The following NEDD4L variants were observed in gnomAD, a reference collection of about 807,000 sequenced individuals.
NEDD4L encodes E3 ubiquitin-protein ligase NEDD4-like.
In NEDD4L, 54 loss-of-function variants were observed where a neutral mutation model predicts 148.9. That is an observed-to-expected ratio of 0.36 (90% CI 0.29 to 0.45). NEDD4L has a LOEUF of 0.45. NEDD4L is among the 20% of genes least tolerant of loss of function. The probability of loss-of-function intolerance (pLI) is 1.00; values close to 1 mark genes in which losing one functional copy is unlikely to be tolerated. For missense variants in NEDD4L, 856 were observed against 1,233.8 expected, an observed-to-expected ratio of 0.69 and a Z score of 4.59; for synonymous variants, 433 against 440.7, an observed-to-expected ratio of 0.98 and a Z score of 0.22.
intron 5 of NEDD4L, among the ~76,000 whole-genome samples, chr18:58,258,583 A>G (rs1218608357): frequency 6.6e-6 from 1 of 152,244 alleles, no homozygotes; most frequent in Non-Finnish European, 1.5e-5. Flanking sequence ...AGGCCTATGT[A>G]GTGAAAAACA....
At chr18:58,281,979 C>A (rs1368667423) in intron 5 of NEDD4L, among the ~76,000 whole-genome samples, 5 of 150,858 alleles carry the variant, frequency 3.3e-5, no homozygotes, top group African/African-American at 1.2e-4. Flanking sequence ...GAGCCGAGAT[C>A]GCGCCACTGC....
intron 1 of NEDD4L, among the ~76,000 whole-genome samples, chr18:58,158,229 A>G (rs1056162329): frequency 3.3e-5 from 5 of 152,260 alleles, no homozygotes; most frequent in Non-Finnish European, 7.3e-5. Context: ...GAGTGTCTGC[A>G]CATCATAGCA....
intron 5 of NEDD4L, among the ~76,000 whole-genome samples, chr18:58,300,358 C>T (rs2056303606): frequency 6.6e-6 from 1 of 152,212 alleles, no homozygotes; most frequent in African/African-American, 2.4e-5. Context: ...TTTTGCAGCA[C>T]TTTGCACTCT....
chr18:58,372,870 C>T (rs982010421), intron 23 of NEDD4L, among the ~76,000 whole-genome samples: 9 of 150,514 alleles, frequency 6.0e-5, no homozygotes, highest in African/African-American at 1.7e-4. Context: ...AGAAAGTATA[C>T]TTATGTCTGT....
chr18:58,320,133 C>T (rs143487908), intron 6 of NEDD4L, among the ~76,000 whole-genome samples: 12 of 152,138 alleles, frequency 7.9e-5, no homozygotes, highest in African/African-American at 2.9e-4. Context: ...CTCTAAGCTC[C>T]GTGGTTTTCC....
chr18:58,143,501 A>G (rs549476), intron 1 of NEDD4L, among the ~76,000 whole-genome samples: 65,029 of 152,134 alleles, frequency 0.43, 14,278 homozygotes, highest in African/African-American at 0.46. Context: ...GGGACAAGCT[A>G]TAAAGCTCTC....
At position 58,351,063 on chromosome 18, in the gene NEDD4L, T is replaced by C. The variant is rs1030571761; in HGVS notation, c.1708+18T>C. Reference sequence around the variant, plus strand: ...TGATCATAGTAAGTAGGCGCTGTTATGGACACACAGGTGTTGTGGGTTAGA... The same window carrying C: ...TGATCATAGTAAGTAGGCGCTGTTACGGACACACAGGTGTTGTGGGTTAGA... On this transcript the variant is annotated intron_variant, in intron 18 of 30. Coordinates refer to ENST00000400345, the MANE Select transcript of NEDD4L (RefSeq NM_001144967.3). 1 of 1,577,136 alleles carries C rather than the reference T, an allele frequency of 6.3e-7. No homozygotes were observed. The highest frequency in any genetic ancestry group is 8.6e-7 in the Non-Finnish European group (1 of 1,159,478).
At chr18:58,352,719 C>T (rs1008549428) in intron 18 of NEDD4L, among the ~76,000 whole-genome samples, 1 of 152,124 alleles carries the variant, frequency 6.6e-6, no homozygotes, top group Non-Finnish European at 1.5e-5. Flanking sequence ...AGTTTTAAGA[C>T]AGGTGTGAAT....
rs771263533 is a variant in NEDD4L at position 58,348,326 on chromosome 18, C to CTTTTTTTTTTT, written c.1576-1198_1576-1188dup. ...CACTGCATTTCTTTTTCTTTTTTTT[C>CTTTTTTTTTTT]TTTTTTTTTTTTTTTTTTTTTTTGA... On this transcript the variant is annotated intron_variant, in intron 16 of 30. Transcript: ENST00000400345. 1.8e-3 allele frequency among the ~76,000 whole-genome samples: 163 copies of CTTTTTTTTTTT among 88,642 alleles called. 5 individuals carry two copies. The highest frequency in any genetic ancestry group is 3.1e-3 in the African/African-American group (58 of 18,526). 58.2% of individuals were successfully genotyped at this position (88,642 alleles called of 152,430 possible).
At chr18:58,365,080 C>T (rs1221391788) in intron 20 of NEDD4L, among the ~76,000 whole-genome samples, 1 of 152,150 alleles carries the variant, frequency 6.6e-6, no homozygotes, top group African/African-American at 2.4e-5. Flanking sequence ...GCCATCTCTC[C>T]CTGCCTCCTC....
At chr18:58,384,777 G>A (rs2048791470) in intron 25 of NEDD4L, among the ~76,000 whole-genome samples, 1 of 152,214 alleles carries the variant, frequency 6.6e-6, no homozygotes, top group South Asian at 2.1e-4. Flanking sequence ...TTGTGCTGCA[G>A]GCTGGTCCTC....
At chr18:58,106,689 TA>T (rs896385733) in intron 1 of NEDD4L, among the ~76,000 whole-genome samples, 2 of 152,192 alleles carry the variant, frequency 1.3e-5, no homozygotes, top group Non-Finnish European at 2.9e-5. Flanking sequence ...GGCAGATGAT[TA>T]AAAAAATTGT....
intron 2 of NEDD4L, among the ~76,000 whole-genome samples, chr18:58,178,611 AAT>A (rs1199045303): frequency 6.6e-6 from 1 of 152,240 alleles, no homozygotes; most frequent in Non-Finnish European, 1.5e-5. Flanking sequence ...AGGAATCTGC[AAT>A]GTGTAACTCC....
At chr18:58,321,235 G>A (rs916679133) in intron 6 of NEDD4L, among the ~76,000 whole-genome samples, 3 of 152,232 alleles carry the variant, frequency 2.0e-5, no homozygotes, top group Non-Finnish European at 2.9e-5. Context: ...ACAGCAGGAC[G>A]ATAGGATGGG....
At chr18:58,141,023 C>T (rs1038143605) in intron 1 of NEDD4L, among the ~76,000 whole-genome samples, 5 of 152,180 alleles carry the variant, frequency 3.3e-5, no homozygotes, top group African/African-American at 7.2e-5. Context: ...CAGAAGCCAG[C>T]GCCAGGCCTG....
At chr18:58,292,829 G>C (rs1034869431) in intron 5 of NEDD4L, among the ~76,000 whole-genome samples, 2 of 152,176 alleles carry the variant, frequency 1.3e-5, no homozygotes, top group Non-Finnish European at 2.9e-5. Flanking sequence ...TGGATGCTTG[G>C]ATTACATACA....
intron 1 of NEDD4L, among the ~76,000 whole-genome samples, chr18:58,108,912 C>T (rs1301145723): frequency 1.3e-5 from 2 of 152,230 alleles, no homozygotes; most frequent in African/African-American, 2.4e-5. Context: ...TGGATTGCCA[C>T]ATGCAGTAAT....
chr18:58,229,268 A>G (rs2148081056), intron 2 of NEDD4L, among the ~76,000 whole-genome samples: 1 of 152,348 alleles, frequency 6.6e-6, no homozygotes, highest in Non-Finnish European at 1.5e-5. Flanking sequence ...TCTTACATTG[A>G]GATGGCACAT....
chr18:58,093,512 TG>T (rs112429841), intron 1 of NEDD4L, among the ~76,000 whole-genome samples: 14,887 of 152,188 alleles, frequency 0.098, 903 homozygotes, highest in Admixed American at 0.16. Flanking sequence ...TGTCTCTAGG[TG>T]GGGTAAATAA....
Sources: gnomAD v4.1 joint callset for allele counts (sites outside exome capture counted in the v4.1 genomes callset) on GRCh38, gnomAD v4.1.1 for gene constraint, MANE v1.5 for transcripts, NCBI Gene and HGNC (gene_info 2026-07-23, HGNC 2026-07-21) for gene names.